Variants in PLA2G15 observed in about 807,000 individuals in gnomAD.
The protein encoded by PLA2G15 is lysosomal phospholipase A and acyltransferase.
In PLA2G15, 20 loss-of-function variants were observed where a neutral mutation model predicts 40.9. The ratio of observed to expected loss-of-function variants is 0.49; its 90% CI spans 0.34 to 0.71. PLA2G15 has a LOEUF of 0.71. Among genes scored for constraint, PLA2G15 ranks in the 30% least tolerant of loss-of-function variants. The pLI, the probability that PLA2G15 is intolerant of heterozygous loss-of-function variation, is 0.01. For synonymous variants in PLA2G15, 223 were observed against 228.2 expected, an observed-to-expected ratio of 0.98 and a Z score of 0.21; for missense variants, 471 against 541.9, an observed-to-expected ratio of 0.87 and a Z score of 1.30.
At chr16:68,251,285 G>T (rs771972910) in intron 2 of PLA2G15, among the ~76,000 whole-genome samples, 1 of 152,180 alleles carries the variant, frequency 6.6e-6, no homozygotes, top group East Asian at 1.9e-4. Context: ...GCTGAGTTCC[G>T]TGAAGGGAGG....
chr16:68,247,956 G>A (rs1231448555), intron 1 of PLA2G15, among the ~76,000 whole-genome samples: 1 of 152,216 alleles, frequency 6.6e-6, no homozygotes. Flanking sequence ...AGGGATTTGG[G>A]TGTCACCAGG....
chr16:68,246,056 C>T (rs577024342), intron 1 of PLA2G15, among the ~76,000 whole-genome samples: 1 of 152,334 alleles, frequency 6.6e-6, no homozygotes, highest in East Asian at 1.9e-4. Flanking sequence ...GCCACCAACT[C>T]CCACAACTTA....
intron 5 of PLA2G15, among the ~76,000 whole-genome samples, chr16:68,258,409 G>A (rs2042417900): frequency 6.6e-6 from 1 of 152,218 alleles, no homozygotes; most frequent in Non-Finnish European, 1.5e-5. Context: ...CCACAGGCCT[G>A]ATCAGCACTT....
intron 2 of PLA2G15, among the ~76,000 whole-genome samples, chr16:68,249,710 A>G (rs559294969): frequency 3.2e-4 from 49 of 151,542 alleles, no homozygotes; most frequent in African/African-American, 1.2e-3. Context: ...TTATTTTGGG[A>G]TGGAGTCTTG....
rs552950436 is a variant in PLA2G15, at chr16:68,260,435, C to G, written c.*778C>G. The G allele has an allele frequency of 6.5e-6, 1 of 152,742 alleles. No homozygotes were observed. Among genetic ancestry groups the G allele is most frequent in the Non-Finnish European group, 1.5e-5 (1 of 68,110 alleles). The allele number at this position is 152,742 out of a possible 1,614,324, so 9.5% of individuals were successfully genotyped here. ...CAGGACTGAAGCTGCCTCCCTTCAC[C>G]CTGGGACTGTGGTTCCAAGGATGAG... is the stretch of plus-strand genomic sequence containing the variant. On this transcript the variant is annotated 3_prime_UTR_variant, in exon 6 of 6. Transcript: ENST00000219345.
chr16:68,246,892 T>C (rs2042313993), intron 1 of PLA2G15, among the ~76,000 whole-genome samples: 1 of 152,104 alleles, frequency 6.6e-6, no homozygotes, highest in Non-Finnish European at 1.5e-5. Flanking sequence ...GAACTTTATC[T>C]TGAGGGCCTC....
intron 1 of PLA2G15, chr16:68,248,562 T>G (rs1596942252): frequency 9.3e-6 from 2 of 214,450 alleles, no homozygotes; most frequent in Non-Finnish European, 2.0e-5. Flanking sequence ...ATTTTTTGTA[T>G]TTTTAGTAGA....
intron 5 of PLA2G15, among the ~76,000 whole-genome samples, chr16:68,257,476 C>T (rs534990689): frequency 3.9e-5 from 6 of 152,292 alleles, no homozygotes; most frequent in South Asian, 2.1e-4. Context: ...GCTCCTCCCC[C>T]GTCTTTTCAT....
At chr16:68,251,881 T>C (rs2042357314) in intron 2 of PLA2G15, among the ~76,000 whole-genome samples, 1 of 151,812 alleles carries the variant, frequency 6.6e-6, no homozygotes, top group South Asian at 2.1e-4. Flanking sequence ...AAAAAAAGTT[T>C]TTCCCAGAGA....
At position 68,259,006 on chromosome 16, in the gene PLA2G15, T is replaced by C; in HGVS notation, c.728-140T>C. The C allele has an allele frequency of 1.5e-6, 1 of 684,760 alleles. No homozygotes were observed. Among genetic ancestry groups the C allele is most frequent in the South Asian group, 1.8e-5 (1 of 55,278 alleles). 42.4% of individuals were successfully genotyped at this position (684,760 alleles called of 1,614,324 possible). A position where few individuals can be genotyped will look rare whatever the true frequency, so the allele number is the denominator to read the frequency against. The stretch of plus-strand genomic sequence containing the variant: ...AGGCAGGGATGGGAGTCACAGTGAT[T>C]ACAATGATGATAACCGGGTAGAGAT... On this transcript the variant is annotated intron_variant, in intron 5 of 5. Coordinates refer to ENST00000219345, the MANE Select transcript of PLA2G15 (RefSeq NM_012320.4). The surrounding 1 kb of genome is among the most constrained non-coding windows in gnomAD (Gnocchi z 6.5).
At position 68,255,891 on chromosome 16, in the gene PLA2G15, C is replaced by A. The variant is rs148885583; in HGVS notation, c.628C>A (p.Arg210=). ...GNMYTLYFLQ[R]QPQAWKDKYI... ...CATGTACACGCTCTACTTTCTGCAG[C>A]GGCAGCCGCAGGCCTGGAAGGACAA... is the stretch of plus-strand genomic sequence containing the variant. Residue 210 remains arginine, a synonymous_variant, in exon 5 of 6, where the codon CGG becomes AGG. Coordinates refer to ENST00000219345, the MANE Select transcript of PLA2G15 (RefSeq NM_012320.4). This position sits in a 1 kb window ranked among gnomAD's most constrained non-coding sequence, Gnocchi z 5.9. 3.1e-6 allele frequency: 5 copies of A among 1,613,490 alleles called. No homozygotes were observed. The highest frequency in any genetic ancestry group is 4.2e-6 in the Non-Finnish European group (5 of 1,179,914).
chr16:68,253,270 C>T (rs774241020), intron 2 of PLA2G15, among the ~76,000 whole-genome samples: 2 of 152,214 alleles, frequency 1.3e-5, no homozygotes, highest in Non-Finnish European at 2.9e-5. Flanking sequence ...TCCTGTCTCT[C>T]CCCACCAGCT....
At chr16:68,258,952 C>G (rs2042421543) in intron 5 of PLA2G15, 194 bp from the exon 6 acceptor site, 2 of 591,556 alleles carry the variant, frequency 3.4e-6, no homozygotes, top group East Asian at 5.6e-5. Flanking sequence ...AGAGTGAGAC[C>G]CTGTCTCAAA....
chr16:68,255,521 A>G lies in PLA2G15; in HGVS notation c.502+141A>G. ...CTCTGGCATCCAGTCTAGTGGTCAC[A>G]GCCACCACCTTTGGTCAGTCTTATC... On this transcript the variant is annotated intron_variant, in intron 4 of 5. Transcript: ENST00000219345. This position sits in a 1 kb window ranked among gnomAD's most constrained non-coding sequence, Gnocchi z 5.9. 1 of 659,496 alleles carries G rather than the reference A, an allele frequency of 1.5e-6. No individual in the cohort carries two copies. Among genetic ancestry groups the G allele is most frequent in the Admixed American group, 2.9e-5 (1 of 34,570 alleles). 40.9% of individuals were successfully genotyped at this position (659,496 alleles called of 1,614,324 possible).
Position 68,259,686 on chromosome 16 carries a change from G to T in PLA2G15, c.*29G>T. ...CTGTGCCACAGGACTCCTGTGGCTC[G>T]GCCGTGGACCTGCTGTTGGCCTCTG... is the stretch of plus-strand genomic sequence containing the variant. On this transcript the variant is annotated 3_prime_UTR_variant, in exon 6 of 6. Coordinates refer to ENST00000219345, the MANE Select transcript of PLA2G15 (RefSeq NM_012320.4). The surrounding 1 kb of genome is among the most constrained non-coding windows in gnomAD (Gnocchi z 6.5). The T allele has an allele frequency of 6.3e-7, 1 of 1,594,226 alleles. No homozygotes were observed. The highest frequency in any genetic ancestry group is 1.1e-5 in the South Asian group (1 of 89,406).
rs1408147384 is a variant in PLA2G15 at position 68,245,848 on chromosome 16, A to AT, written c.127+300dup. On this transcript the variant is annotated intron_variant, in intron 1 of 5. Coordinates refer to ENST00000219345, the MANE Select transcript of PLA2G15 (RefSeq NM_012320.4). ...CCCAAGCCTTGCCTCCCCTTATCCC[A>AT]TTTTTAAGCTGGAAAGACAGGTGCT... is the stretch of plus-strand genomic sequence containing the variant. 2.6e-5 allele frequency among the ~76,000 whole-genome samples: 4 copies of AT among 151,902 alleles called. No individual in the cohort carries two copies. In the East Asian group the frequency reaches 7.7e-4, roughly 29 times the overall value.
intron 1 of PLA2G15, among the ~76,000 whole-genome samples, chr16:68,245,899 G>C (rs2042304928): frequency 6.6e-6 from 1 of 152,192 alleles, no homozygotes; most frequent in South Asian, 2.1e-4. Context: ...AGGGATGGTG[G>C]GGGTGTGTAG....
chr16:68,258,965 GA>G (rs1004553977), intron 5 of PLA2G15, 180 bp from the exon 6 acceptor site: 57 of 587,940 alleles, frequency 9.7e-5, no homozygotes, highest in Non-Finnish European at 1.2e-4. Flanking sequence ...GTCTCAAAAA[GA>G]AAAAAAAAGA....
chr16:68,255,742 C>T lies in PLA2G15; in HGVS notation c.503-24C>T. 1.9e-6 allele frequency: 3 copies of T among 1,602,608 alleles called. No individual in the cohort carries two copies. The highest frequency in any genetic ancestry group is 2.6e-6 in the Non-Finnish European group (3 of 1,169,546). On this transcript the variant is annotated intron_variant, in intron 4 of 5. Transcript: ENST00000219345. The surrounding 1 kb of genome is among the most constrained non-coding windows in gnomAD (Gnocchi z 5.9). The stretch of plus-strand genomic sequence containing the variant: ...CGGCTCCAGGACCCTTCCCACCTGA[C>T]CCCTGCCTGGCTCTGGCCTGCAGAT...
Sources: allele counts gnomAD v4.1 joint callset (sites outside exome capture counted in the v4.1 genomes callset), GRCh38; gene constraint gnomAD v4.1.1; non-coding constraint Gnocchi (gnomAD v3.1); transcripts MANE v1.5; gene names NCBI Gene and HGNC (gene_info 2026-07-23, HGNC 2026-07-21).